Variants in ANO2 observed in about 807,000 individuals in gnomAD.
ANO2 encodes anoctamin 2.
In ANO2, 101 loss-of-function variants were observed where a neutral mutation model predicts 124.2. The ratio of observed to expected loss-of-function variants is 0.81; its 90% CI spans 0.69 to 0.96. The LOEUF (loss-of-function observed/expected upper bound fraction) is 0.96. ANO2 is among the 40% of genes least tolerant of loss of function. ANO2 has a pLI of 0.00. For missense variants in ANO2, 1,293 were observed against 1,274.5 expected (o/e 1.01, Z -0.22); for synonymous variants, 486 against 482.5 (o/e 1.01, Z -0.09).
intron 1 of ANO2, among the ~76,000 whole-genome samples, chr12:5,923,160 G>A (rs56894042): frequency 4.1e-4 from 10 of 24,624 alleles, no homozygotes; most frequent in Admixed American, 7.7e-4. Context: ...ATACACACAC[G>A]CATACACACA....
intron 3 of ANO2, among the ~76,000 whole-genome samples, chr12:5,899,383 T>C (rs1940020454): frequency 6.6e-6 from 1 of 152,116 alleles, no homozygotes. Context: ...AGACTTTGGA[T>C]TCTGAGATGC....
intron 14 of ANO2, 108 bp from the exon 15 acceptor site, chr12:5,647,909 A>G: frequency 2.4e-6 from 2 of 817,732 alleles, no homozygotes; most frequent in Non-Finnish European, 4.1e-6. Flanking sequence ...CACTCTATAT[A>G]GATATATTTC....
chr12:5,745,411 A>C (rs950368633), intron 11 of ANO2, among the ~76,000 whole-genome samples: 1 of 152,244 alleles, frequency 6.6e-6, no homozygotes, highest in Admixed American at 6.5e-5. Flanking sequence ...CAGGGGATCC[A>C]GCACTGAGAA....
In ANO2 at chr12:5,830,499, C is replaced by T. The variant is rs373567602; in HGVS notation, c.786-10G>A. On this transcript the variant is annotated splice_polypyrimidine_tract_variant and intron_variant, in intron 5 of 24. Coordinates refer to ENST00000682330, the MANE Select transcript of ANO2 (RefSeq NM_001364791.2). The stretch of plus-strand genomic sequence containing the variant: ...TTCCTGGATGTTGTACCTGGAGACA[C>T]CAAGAGAGCAGATGGCAAATTCATT... 5.0e-6 allele frequency: 8 copies of T among 1,609,578 alleles called. No homozygotes were observed. Among genetic ancestry groups the T allele is most frequent in the South Asian group, 4.5e-5 (4 of 89,668 alleles).
At chr12:5,725,360 CTCCA>C in intron 14 of ANO2, among the ~76,000 whole-genome samples, 1 of 152,148 alleles carries the variant, frequency 6.6e-6, no homozygotes, top group South Asian at 2.1e-4. Context: ...CCTCTCCAAC[CTCCA>C]ACCAAGGACC....
At chr12:5,721,094 G>A (rs1052767791) in intron 14 of ANO2, among the ~76,000 whole-genome samples, 9 of 152,282 alleles carry the variant, frequency 5.9e-5, no homozygotes, top group African/African-American at 9.6e-5. Context: ...GTAAAGCAAC[G>A]TCTCCTGGAT....
intron 14 of ANO2, among the ~76,000 whole-genome samples, chr12:5,687,326 G>A (rs1399574523): frequency 2.0e-5 from 3 of 152,198 alleles, no homozygotes; most frequent in South Asian, 2.1e-4. Flanking sequence ...AAGTAAATAC[G>A]AATGAACGCC....
At chr12:5,733,664 G>A (rs537149423) in intron 13 of ANO2, among the ~76,000 whole-genome samples, 299 of 152,326 alleles carry the variant, frequency 2.0e-3, no homozygotes, top group African/African-American at 6.7e-3. Context: ...CCATGATGCA[G>A]GAGAGGACAG....
chr12:5,921,430 G>A, intron 2 of ANO2, 64 bp from the exon 3 acceptor site: 1 of 1,480,880 alleles, frequency 6.8e-7, no homozygotes, highest in Non-Finnish European at 9.2e-7. Flanking sequence ...AACAGAGGAG[G>A]CTGATCTATG....
At chr12:5,666,664 A>G (rs71459962) in intron 14 of ANO2, among the ~76,000 whole-genome samples, 25,565 of 152,080 alleles carry the variant, frequency 0.17, 2,391 homozygotes, top group Middle Eastern at 0.24. Flanking sequence ...TTTCCCCCTG[A>G]TCTCCAAAAG....
intron 9 of ANO2, among the ~76,000 whole-genome samples, chr12:5,803,195 T>C (rs1250662980): frequency 6.6e-6 from 1 of 152,200 alleles, no homozygotes; most frequent in Non-Finnish European, 1.5e-5. Context: ...ACTTAGCTTC[T>C]GCTCCCAGAT....
chr12:5,797,125 C>G (rs1311303554), intron 10 of ANO2, among the ~76,000 whole-genome samples: 1 of 152,220 alleles, frequency 6.6e-6, no homozygotes, highest in Non-Finnish European at 1.5e-5. Context: ...CCGCGAGGCA[C>G]ACGGAGGGTG....
At chr12:5,755,184 C>T (rs901515318) in intron 10 of ANO2, among the ~76,000 whole-genome samples, 2 of 151,488 alleles carry the variant, frequency 1.3e-5, no homozygotes, top group Non-Finnish European at 2.9e-5. Context: ...TCTTGATTGG[C>T]AGGTTTTTTA....
intron 3 of ANO2, among the ~76,000 whole-genome samples, chr12:5,884,526 A>AG (rs1273018013): frequency 6.6e-6 from 1 of 152,244 alleles, no homozygotes; most frequent in Non-Finnish European, 1.5e-5. Flanking sequence ...GTACTGACCC[A>AG]GGACAGCCGG....
intron 10 of ANO2, among the ~76,000 whole-genome samples, chr12:5,781,948 T>C (rs528062521): frequency 6.6e-6 from 1 of 152,376 alleles, no homozygotes; most frequent in South Asian, 2.1e-4. Flanking sequence ...TAGTATTCTA[T>C]AAACATCAAT....
intron 20 of ANO2, among the ~76,000 whole-genome samples, chr12:5,595,638 A>G (rs4140863): frequency 0.82 from 124,619 of 152,162 alleles, 51,501 homozygotes; most frequent in Admixed American, 0.89. Flanking sequence ...GTCTGTTGAA[A>G]AACATATGTG....
At chr12:5,764,932 A>C (rs1951840572) in intron 10 of ANO2, among the ~76,000 whole-genome samples, 1 of 152,226 alleles carries the variant, frequency 6.6e-6, no homozygotes, top group Middle Eastern at 3.2e-3. Flanking sequence ...TTACATTTAC[A>C]GAGATACAAT....
chr12:5,768,386 C>T (rs1484804952), intron 10 of ANO2, among the ~76,000 whole-genome samples: 1 of 152,200 alleles, frequency 6.6e-6, no homozygotes, highest in African/African-American at 2.4e-5. Flanking sequence ...TGTTTGTCTT[C>T]TCTTCCTTTC....
intron 16 of ANO2, among the ~76,000 whole-genome samples, chr12:5,621,097 C>T (rs1049488860): frequency 2.6e-5 from 4 of 152,080 alleles, no homozygotes; most frequent in East Asian, 1.9e-4. Flanking sequence ...CTTTCGGTTT[C>T]GAGATCTCAT....
Sources: allele counts gnomAD v4.1 joint callset (sites outside exome capture counted in the v4.1 genomes callset), GRCh38; gene constraint gnomAD v4.1.1; transcripts MANE v1.5; gene names NCBI Gene and HGNC (gene_info 2026-07-23, HGNC 2026-07-21).